CTNND2: variants seen among roughly 807,000 people sequenced by gnomAD.
The protein encoded by CTNND2 is catenin delta-2.
CTNND2 carries 22 observed loss-of-function variants against 144.4 expected under a neutral mutation model. That is an observed-to-expected ratio of 0.15 (90% CI 0.11 to 0.22). CTNND2 has a LOEUF of 0.22. Among genes scored for constraint, CTNND2 ranks in the 10% least tolerant of loss-of-function variants. The probability of loss-of-function intolerance (pLI) is 1.00; values close to 1 mark genes in which losing one functional copy is unlikely to be tolerated. For missense variants in CTNND2, 1,353 were observed against 1,618.8 expected, an observed-to-expected ratio of 0.84 and a Z score of 2.82; for synonymous variants, 751 against 695.6, an observed-to-expected ratio of 1.08 and a Z score of -1.25.
intron 3 of CTNND2, among the ~76,000 whole-genome samples, chr5:11,453,460 T>C (rs937132723): frequency 1.3e-5 from 2 of 152,238 alleles, no homozygotes; most frequent in Non-Finnish European, 2.9e-5. Flanking sequence ...AAAATTTCTT[T>C]TCCATTTTCC....
At chr5:11,137,349 A>T (rs1196878899) in intron 12 of CTNND2, among the ~76,000 whole-genome samples, 1 of 152,200 alleles carries the variant, frequency 6.6e-6, no homozygotes, top group African/African-American at 2.4e-5. Flanking sequence ...TTTTCATGCC[A>T]GTTTAGTCAA....
intron 16 of CTNND2, among the ~76,000 whole-genome samples, chr5:11,075,303 A>G (rs1278135175): frequency 6.6e-6 from 1 of 152,198 alleles, no homozygotes; most frequent in Non-Finnish European, 1.5e-5. Flanking sequence ...CATTGGCTGG[A>G]CAGAAGCTCA....
At chr5:11,824,467 C>T (rs374554583) in intron 1 of CTNND2, among the ~76,000 whole-genome samples, 1 of 152,118 alleles carries the variant, frequency 6.6e-6, no homozygotes, top group Non-Finnish European at 1.5e-5. Flanking sequence ...AATCCTCCAA[C>T]TCACCATGAG....
At chr5:11,437,958 C>A (rs961526504) in intron 3 of CTNND2, among the ~76,000 whole-genome samples, 1 of 152,166 alleles carries the variant, frequency 6.6e-6, no homozygotes, top group Non-Finnish European at 1.5e-5. Context: ...GGGCAGTTCC[C>A]TGCAGGGTCA....
intron 10 of CTNND2, among the ~76,000 whole-genome samples, chr5:11,205,673 G>T (rs1580583977): frequency 6.6e-6 from 1 of 152,144 alleles, no homozygotes; most frequent in African/African-American, 2.4e-5. Flanking sequence ...ATGAACTGAG[G>T]TAAGTCCATG....
At chr5:11,425,192 A>C (rs917894216) in intron 3 of CTNND2, among the ~76,000 whole-genome samples, 4 of 152,176 alleles carry the variant, frequency 2.6e-5, no homozygotes, top group Non-Finnish European at 5.9e-5. Flanking sequence ...ATACTACGTG[A>C]GTTCAGGAGA....
At chr5:11,259,780 A>C (rs1233453180) in intron 9 of CTNND2, among the ~76,000 whole-genome samples, 1 of 152,206 alleles carries the variant, frequency 6.6e-6, no homozygotes, top group Non-Finnish European at 1.5e-5. Context: ...GACAGGAATA[A>C]AAGATCTGAA....
At chr5:11,450,147 C>T (rs185313568) in intron 3 of CTNND2, among the ~76,000 whole-genome samples, 1 of 152,182 alleles carries the variant, frequency 6.6e-6, no homozygotes, top group Admixed American at 6.5e-5. Context: ...ATGTATCATT[C>T]GTGTAAAATG....
chr5:11,143,076 G>A (rs545746389), intron 12 of CTNND2, among the ~76,000 whole-genome samples: 10 of 152,046 alleles, frequency 6.6e-5, no homozygotes, highest in Admixed American at 5.2e-4. Context: ...ATATGTGCCC[G>A]AGCAAAGGGC....
At chr5:11,824,806 C>T (rs1309931284) in intron 1 of CTNND2, among the ~76,000 whole-genome samples, 1 of 152,148 alleles carries the variant, frequency 6.6e-6, no homozygotes, top group African/African-American at 2.4e-5. Flanking sequence ...AAAGACACCC[C>T]TCTGTGGAAC....
intron 3 of CTNND2, among the ~76,000 whole-genome samples, chr5:11,536,700 T>C (rs1774245224): frequency 6.6e-6 from 1 of 151,706 alleles, no homozygotes; most frequent in South Asian, 2.1e-4. Flanking sequence ...ATAAGAATAA[T>C]ACATTGGACT....
chr5:11,578,447 G>T (rs1297609768), intron 2 of CTNND2, among the ~76,000 whole-genome samples: 2 of 152,018 alleles, frequency 1.3e-5, no homozygotes, highest in Non-Finnish European at 1.5e-5. Flanking sequence ...CAGATCACGA[G>T]GTCAGGAGTT....
At chr5:11,454,288 T>C (rs1765537770) in intron 3 of CTNND2, among the ~76,000 whole-genome samples, 1 of 152,006 alleles carries the variant, frequency 6.6e-6, no homozygotes, top group South Asian at 2.1e-4. Flanking sequence ...GGCGTGGTGG[T>C]GTGTGCCTGT....
chr5:11,390,781 C>T (rs1339869991), intron 6 of CTNND2, among the ~76,000 whole-genome samples: 2 of 152,212 alleles, frequency 1.3e-5, no homozygotes, highest in African/African-American at 2.4e-5. Flanking sequence ...CAGCAGTCTG[C>T]TCCCCCATTC....
chr5:11,236,336 T>C (rs1269417391), intron 10 of CTNND2, among the ~76,000 whole-genome samples: 1 of 152,186 alleles, frequency 6.6e-6, no homozygotes, highest in South Asian at 2.1e-4. Context: ...GAGATAACAA[T>C]TGATGTTTAG....
intron 16 of CTNND2, among the ~76,000 whole-genome samples, chr5:11,066,290 A>G (rs1202558055): frequency 6.6e-6 from 1 of 152,180 alleles, no homozygotes; most frequent in Non-Finnish European, 1.5e-5. Context: ...CACCCACTTC[A>G]GCCTCCCAAA....
chr5:11,020,520 A>G (rs1742127581), intron 17 of CTNND2, among the ~76,000 whole-genome samples: 1 of 152,128 alleles, frequency 6.6e-6, no homozygotes, highest in South Asian at 2.1e-4. Flanking sequence ...ATTTCCTTAA[A>G]ATTTGTCTAG....
intron 20 of CTNND2, among the ~76,000 whole-genome samples, chr5:10,984,069 C>A (rs1326465219): frequency 1.3e-5 from 2 of 152,162 alleles, no homozygotes; most frequent in Admixed American, 6.5e-5. Flanking sequence ...CCGCCTGCAC[C>A]CCCATCTCAT....
intron 16 of CTNND2, among the ~76,000 whole-genome samples, chr5:11,025,758 A>G (rs558395174): frequency 8.5e-5 from 13 of 152,332 alleles, no homozygotes; most frequent in African/African-American, 1.7e-4. Context: ...GTGTGCTTCT[A>G]TAACTGTTCC....
Sources: gnomAD v4.1 joint callset for allele counts (sites outside exome capture counted in the v4.1 genomes callset) on GRCh38, gnomAD v4.1.1 for gene constraint, MANE v1.5 for transcripts, NCBI Gene and HGNC (gene_info 2026-07-23, HGNC 2026-07-21) for gene names.